The following ASB3 variants were observed in gnomAD, a reference collection of about 807,000 sequenced individuals.
ASB3 encodes ankyrin repeat and SOCS box protein 3.
ASB3 carries 41 observed loss-of-function variants against 54.5 expected under a neutral mutation model. The ratio of observed to expected loss-of-function variants is 0.75; its 90% CI spans 0.59 to 0.98. The LOEUF (loss-of-function observed/expected upper bound fraction) is 0.98. Among genes scored for constraint, ASB3 ranks in the 50% least tolerant of loss-of-function variants. The pLI is 0.00. For missense variants in ASB3, 733 were observed against 620.0 expected (o/e 1.18, Z -1.94); for synonymous variants, 266 against 221.2 (o/e 1.20, Z -1.80).
chr2:53,728,644 T>C lies in ASB3; in HGVS notation c.604+68A>G. Reference sequence around the variant, plus strand: ...CCTGATTTATATTTGAGACAAGAATTATTCCTCTAGGAAATATAGTTTAAA... The same window carrying C: ...CCTGATTTATATTTGAGACAAGAATCATTCCTCTAGGAAATATAGTTTAAA... On this transcript the variant is annotated intron_variant, in intron 5 of 9. Coordinates refer to ENST00000263634, the MANE Select transcript of ASB3 (RefSeq NM_016115.5). The C allele has an allele frequency of 5.1e-6, 7 of 1,382,540 alleles. No homozygotes were observed. In the South Asian group the frequency reaches 1.1e-4, roughly 22 times the overall value. The allele number at this position is 1,382,540 out of a possible 1,614,324, so 85.6% of individuals were successfully genotyped here.
At chr2:53,784,714 T>C (rs1296193472) in intron 1 of ASB3, among the ~76,000 whole-genome samples, 2 of 152,176 alleles carry the variant, frequency 1.3e-5, no homozygotes, top group Non-Finnish European at 1.5e-5. Context: ...TTCCCTCTTC[T>C]TATAAAGATA....
intron 3 of ASB3, among the ~76,000 whole-genome samples, chr2:53,732,801 T>A (rs1303486298): frequency 6.6e-6 from 1 of 152,234 alleles, no homozygotes; most frequent in Non-Finnish European, 1.5e-5. Flanking sequence ...TAATAGTTAC[T>A]AATTGAGAAA....
intron 3 of ASB3, among the ~76,000 whole-genome samples, chr2:53,746,258 G>A (rs1672216113): frequency 1.3e-5 from 2 of 152,072 alleles, no homozygotes; most frequent in African/African-American, 4.8e-5. Flanking sequence ...TTTTGCCACT[G>A]CACTCCAGCC....
At chr2:53,775,703 T>C (rs377021883) in intron 1 of ASB3, among the ~76,000 whole-genome samples, 1 of 152,176 alleles carries the variant, frequency 6.6e-6, no homozygotes, top group African/African-American at 2.4e-5. Flanking sequence ...CTCGATCTCC[T>C]GACCTCAGGT....
rs1672471463 is a variant in ASB3, at chr2:53,750,776, T to C, written c.355+7A>G. The C allele has an allele frequency of 5.2e-6, 8 of 1,538,862 alleles. No individual in the cohort carries two copies. Among genetic ancestry groups the C allele is most frequent in the Non-Finnish European group, 6.1e-6 (7 of 1,146,072 alleles). On this transcript the variant is annotated splice_region_variant and intron_variant, in intron 3 of 9. Transcript: ENST00000263634. ...AATTGCATCTGCACCACAAATAGCA[T>C]ACTTACCTAAAAACAATGGTGTCGT...
chr2:53,762,764 A>T (rs1471407774), intron 2 of ASB3, among the ~76,000 whole-genome samples: 2 of 152,216 alleles, frequency 1.3e-5, no homozygotes, highest in Non-Finnish European at 2.9e-5. Context: ...CAAATTTGTT[A>T]TCTGTGCTAA....
intron 9 of ASB3, among the ~76,000 whole-genome samples, chr2:53,692,026 T>C (rs1011674711): frequency 6.6e-6 from 1 of 152,206 alleles, no homozygotes; most frequent in Non-Finnish European, 1.5e-5. Context: ...AATTCTTTAG[T>C]GTAGGAGGCT....
chr2:53,756,487 G>A (rs1170107919), intron 2 of ASB3, among the ~76,000 whole-genome samples: 2 of 152,202 alleles, frequency 1.3e-5, no homozygotes, highest in African/African-American at 4.8e-5. Context: ...GGGATGCCCA[G>A]ATAGCTGCTA....
Position 53,703,423 on chromosome 2 carries a change from A to G in ASB3, c.981-2895T>C, listed in dbSNP as rs559461642. 5.2e-4 allele frequency among the ~76,000 whole-genome samples: 79 copies of G among 152,322 alleles called. 1 individual carries two copies. In the South Asian group the frequency reaches 0.016, roughly 31 times the overall value. On this transcript the variant is annotated intron_variant, in intron 7 of 9. Transcript: ENST00000263634. The stretch of plus-strand genomic sequence containing the variant: ...ACCAAAAATGTTTCAGAACACTGAT[A>G]CTGAGCTTAAAAGTTGAATTAGCTG...
At chr2:53,738,388 T>C (rs1671758128) in intron 3 of ASB3, among the ~76,000 whole-genome samples, 1 of 152,226 alleles carries the variant, frequency 6.6e-6, no homozygotes, top group African/African-American at 2.4e-5. Flanking sequence ...AGAACTGTTC[T>C]CCAATATAGA....
chr2:53,684,960 T>C (rs1668558206), intron 9 of ASB3, among the ~76,000 whole-genome samples: 2 of 152,162 alleles, frequency 1.3e-5, no homozygotes, highest in South Asian at 4.1e-4. Context: ...TTAGAGGATC[T>C]TAATGTCTTG....
At chr2:53,785,942 T>G (rs1424083444) in intron 1 of ASB3, among the ~76,000 whole-genome samples, 2 of 152,192 alleles carry the variant, frequency 1.3e-5, no homozygotes, top group African/African-American at 4.8e-5. Context: ...TGAAGAAAGT[T>G]ATCTTCTTTG....
intron 5 of ASB3, among the ~76,000 whole-genome samples, chr2:53,727,845 C>G (rs1035034405): frequency 1.3e-5 from 2 of 152,114 alleles, no homozygotes; most frequent in African/African-American, 4.8e-5. Flanking sequence ...CATGTCTCAG[C>G]TTCCCTAGTA....
At chr2:53,751,881 T>C (rs1239372023) in intron 2 of ASB3, among the ~76,000 whole-genome samples, 3 of 151,568 alleles carry the variant, frequency 2.0e-5, no homozygotes, top group East Asian at 1.9e-4. Flanking sequence ...AAGGGCAAGA[T>C]AGAGTAGTCA....
At chr2:53,734,138 C>A (rs747240020) in intron 3 of ASB3, among the ~76,000 whole-genome samples, 1 of 152,220 alleles carries the variant, frequency 6.6e-6, no homozygotes. Flanking sequence ...ATGGCCATCA[C>A]AAACATGTCA....
chr2:53,692,430 T>A (rs1390640403), intron 9 of ASB3, among the ~76,000 whole-genome samples: 1 of 152,112 alleles, frequency 6.6e-6, no homozygotes, highest in East Asian at 1.9e-4. Flanking sequence ...AGAAAACCAT[T>A]AGCTACATTA....
intron 9 of ASB3, among the ~76,000 whole-genome samples, chr2:53,687,185 G>A (rs1668674924): frequency 6.6e-6 from 1 of 152,054 alleles, no homozygotes; most frequent in Non-Finnish European, 1.5e-5. Flanking sequence ...GAGGCTATGT[G>A]AAGTTAAAAT....
chr2:53,778,404 T>C lies in ASB3; in HGVS notation c.-14+8417A>G, dbSNP rs536296188. Among the ~76,000 whole-genome samples the C allele has an allele frequency of 4.6e-5, 7 of 152,116 alleles. 1 individual carries two copies. In the East Asian group the frequency reaches 1.4e-3, roughly 29 times the overall value. On this transcript the variant is annotated intron_variant, in intron 1 of 9. Coordinates refer to ENST00000263634, the MANE Select transcript of ASB3 (RefSeq NM_016115.5). ...TAGTTAACATATCCATGACCTCAAA[T>C]TTTTTTTGTAGTGAAAACTTTTAAA...
chr2:53,752,727 G>A (rs59418678), intron 2 of ASB3, among the ~76,000 whole-genome samples: 1,725 of 152,300 alleles, frequency 0.011, 34 homozygotes, highest in African/African-American at 0.04. Flanking sequence ...GCATTGAAGC[G>A]TGCCTAGACT....
Sources: allele counts gnomAD v4.1 joint callset (sites outside exome capture counted in the v4.1 genomes callset), GRCh38; gene constraint gnomAD v4.1.1; transcripts MANE v1.5; gene names NCBI Gene and HGNC (gene_info 2026-07-23, HGNC 2026-07-21).